PIEZO1: variants seen among roughly 807,000 people sequenced by gnomAD.
PIEZO1 encodes piezo-type mechanosensitive ion channel component 1.
PIEZO1 carries 296 observed loss-of-function variants against 297.2 expected under a neutral mutation model. The observed-to-expected ratio is 1.00, with a 90% CI of 0.91 to 1.10. The LOEUF (loss-of-function observed/expected upper bound fraction) is 1.10. Among genes scored for constraint, PIEZO1 ranks in the 50% least tolerant of loss-of-function variants. The pLI, the probability that PIEZO1 is intolerant of heterozygous loss-of-function variation, is 0.00. For synonymous variants in PIEZO1, 2,427 were observed against 1,507.5 expected, an observed-to-expected ratio of 1.61 and a Z score of -14.13; for missense variants, 5,018 against 3,455.5, an observed-to-expected ratio of 1.45 and a Z score of -11.34.
intron 1 of PIEZO1, among the ~76,000 whole-genome samples, chr16:88,769,814 A>G (rs1288160219): frequency 6.6e-6 from 1 of 152,192 alleles, no homozygotes; most frequent in Non-Finnish European, 1.5e-5. Flanking sequence ...GGCCAGGACG[A>G]GCCTCATGTC....
chr16:88,782,477 G>C (rs1353172099), intron 1 of PIEZO1, among the ~76,000 whole-genome samples: 2 of 152,202 alleles, frequency 1.3e-5, no homozygotes, highest in Non-Finnish European at 2.9e-5. Context: ...CATTAGGTGA[G>C]ACTGCTGAAG....
chr16:88,757,731 G>C (rs938576687), intron 1 of PIEZO1, among the ~76,000 whole-genome samples: 1 of 152,152 alleles, frequency 6.6e-6, no homozygotes, highest in Non-Finnish European at 1.5e-5. Flanking sequence ...AGCTGCCATG[G>C]CTGGAGGCAT....
intron 30 of PIEZO1, among the ~76,000 whole-genome samples, chr16:88,724,604 G>A (rs1904314764): frequency 6.6e-6 from 1 of 151,964 alleles, no homozygotes; most frequent in African/African-American, 2.4e-5. Context: ...TGAGGCAGGA[G>A]GATCACTTGA....
rs536740949 is a variant in PIEZO1 at position 88,736,816 on chromosome 16, G to A, written c.1196-77C>T. The A allele has an allele frequency of 5.9e-4, 548 of 932,178 alleles. 1 individual carries two copies. The highest frequency in any genetic ancestry group is 7.9e-4 in the Non-Finnish European group (500 of 633,950). 57.7% of individuals were successfully genotyped at this position (932,178 alleles called of 1,614,324 possible). A position where few individuals can be genotyped will look rare whatever the true frequency, so the allele number is the denominator to read the frequency against. ...CACCCTGACTATGCCCTAAAATCTG[G>A]GCCCTGGGCAAGCACACAGCAGGAG... On this transcript the variant is annotated intron_variant, in intron 10 of 50. Coordinates refer to ENST00000301015, the MANE Select transcript of PIEZO1 (RefSeq NM_001142864.4).
At position 88,723,056 on chromosome 16, in the gene PIEZO1, AAG is replaced by A. The variant is rs1286494637; in HGVS notation, c.4495+37_4495+38del. On this transcript the variant is annotated intron_variant, in intron 33 of 50. Coordinates refer to ENST00000301015, the MANE Select transcript of PIEZO1 (RefSeq NM_001142864.4). ...CGCTGGAGGGGCAGCCTGTGGGGCCAAGAGAGACCTCCCACTCCCCAGCCCCG... is the reference window on the plus strand; with the variant it reads ...CGCTGGAGGGGCAGCCTGTGGGGCCAAGAGACCTCCCACTCCCCAGCCCCG... 3.2e-6 allele frequency: 5 copies of A among 1,544,892 alleles called. No individual in the cohort carries two copies. In the African/African-American group the frequency reaches 5.5e-5, roughly 17 times the overall value.
chr16:88,741,235 G>T (rs2242165), intron 5 of PIEZO1: 2 of 462,100 alleles, frequency 4.3e-6, no homozygotes, highest in East Asian at 4.0e-5. Flanking sequence ...TAAGGGCACA[G>T]ATGCCATGTC....
At chr16:88,722,729 CTT>C (rs1904289468) in intron 34 of PIEZO1, 40 bp from the exon 35 acceptor site, 3 of 1,531,154 alleles carry the variant, frequency 2.0e-6, no homozygotes, top group Middle Eastern at 1.7e-4. Flanking sequence ...GCGTCCAGCT[CTT>C]GTCCCCACAC....
chr16:88,736,685 T>A lies in PIEZO1; in HGVS notation c.1250A>T (p.His417Leu). 1 of 1,532,802 alleles carries A rather than the reference T, an allele frequency of 6.5e-7. No individual in the cohort carries two copies. The highest frequency in any genetic ancestry group is 8.7e-7 in the Non-Finnish European group (1 of 1,145,684). 95.0% of individuals were successfully genotyped at this position (1,532,802 alleles called of 1,614,324 possible). The part of the protein sequence containing the change: ...REASPLHSLG[H>L]LIMDQSYVCA... ...CACATAGCTCTGGTCCATGATGAGG[T>A]GGCCCAGGCTGTGGAGCGGAGACGC... The change falls in exon 11 of 51, where the codon CAC becomes CTC. Residue 417 changes from histidine (H) to leucine (L), a missense_variant. Physicochemically the swap from His to Leu is moderately conservative, Grantham distance 99. Coordinates refer to ENST00000301015, the MANE Select transcript of PIEZO1 (RefSeq NM_001142864.4).
chr16:88,721,080 C>CCG, intron 39 of PIEZO1, 86 bp downstream of exon 39: 1 of 1,325,556 alleles, frequency 7.5e-7, no homozygotes, highest in South Asian at 1.5e-5. Flanking sequence ...CTGGGCTTGG[C>CCG]CGTCTCATCT....
At chr16:88,773,614 C>T (rs973688373) in intron 1 of PIEZO1, among the ~76,000 whole-genome samples, 3 of 152,148 alleles carry the variant, frequency 2.0e-5, no homozygotes, top group Non-Finnish European at 4.4e-5. Flanking sequence ...ACAGGCAGGT[C>T]GGGGGACTGG....
chr16:88,728,395 AC>A (rs2142792486), intron 22 of PIEZO1, among the ~76,000 whole-genome samples: 1 of 151,374 alleles, frequency 6.6e-6, no homozygotes, highest in East Asian at 1.9e-4. Flanking sequence ...AAACAAAGTG[AC>A]CCTCCATGCT....
At chr16:88,783,929 C>T (rs903767464) in intron 1 of PIEZO1, among the ~76,000 whole-genome samples, 3 of 152,248 alleles carry the variant, frequency 2.0e-5, no homozygotes, top group African/African-American at 7.2e-5. Context: ...AAAGGCCCCA[C>T]CTGCCGTGTC....
At chr16:88,724,056 G>C in intron 30 of PIEZO1, 85 bp from the exon 31 acceptor site, 1 of 788,840 alleles carries the variant, frequency 1.3e-6, no homozygotes, top group Non-Finnish European at 2.1e-6. Context: ...GCCAAGGCCC[G>C]AGAGCCACCC....
rs536394210 is a variant in PIEZO1 at position 88,778,557 on chromosome 16, C to T, written c.64+6344G>A. 1.6e-3 allele frequency among the ~76,000 whole-genome samples: 248 copies of T among 152,302 alleles called. 1 individual carries two copies. Among genetic ancestry groups the T allele is most frequent in the Middle Eastern group, 6.8e-3 (2 of 294 alleles). On this transcript the variant is annotated intron_variant, in intron 1 of 50. Transcript: ENST00000301015. Reference sequence around the variant, plus strand: ...ACAACGGCGGGGAATCGGGTGGCCACGCACGTCGGCCTAAGGGGCCCTGGC... The same window carrying T: ...ACAACGGCGGGGAATCGGGTGGCCATGCACGTCGGCCTAAGGGGCCCTGGC...
At position 88,742,068 on chromosome 16, in the gene PIEZO1, T is replaced by C; in HGVS notation, c.311A>G (p.His104Arg). Residue 104 changes from histidine to arginine, a missense_variant, in exon 4 of 51, where the codon CAC becomes CGC. Transcript: ENST00000301015. ...ATGGTCTTACCTTGTGACCCCTATG[T>C]GTCGCGAGAGGGTCTCCCAGCGGCT... ...SCSRWETLSR[H>R]IGVTRLDLKD... The C allele has an allele frequency of 1.3e-6, 2 of 1,536,070 alleles. No homozygotes were observed. Among genetic ancestry groups the C allele is most frequent in the Non-Finnish European group, 1.7e-6 (2 of 1,146,762 alleles).
At chr16:88,732,309 A>AG (rs750931162) in intron 21 of PIEZO1, 26 bp downstream of exon 21, 6 of 1,531,048 alleles carry the variant, frequency 3.9e-6, no homozygotes, top group Non-Finnish European at 5.3e-6. Flanking sequence ...GCCCTGCCCC[A>AG]GGGGGAGGCA....
At position 88,721,412 on chromosome 16, in the gene PIEZO1, G is replaced by A. The variant is rs1388874447; in HGVS notation, c.5422C>T (p.His1808Tyr). The change falls in exon 39 of 51, where the codon CAT becomes TAT. Residue 1808 changes from histidine (H) to tyrosine (Y), a missense_variant. Transcript: ENST00000301015. Reference protein sequence around the residue: ...SQLLCYGLWDHEEDSPSKEHD... With the variant: ...SQLLCYGLWDYEEDSPSKEHD... Reference sequence around the variant, plus strand: ...TCCTTGGATGGTGAGTCCTCCTCATGGTCCCAGAGGCCATAGCACTGAGGG... The same window carrying A: ...TCCTTGGATGGTGAGTCCTCCTCATAGTCCCAGAGGCCATAGCACTGAGGG... The A allele has an allele frequency of 7.7e-6, 12 of 1,549,542 alleles. No individual in the cohort carries two copies. The highest frequency in any genetic ancestry group is 9.6e-6 in the Non-Finnish European group (11 of 1,146,492).
intron 12 of PIEZO1, 82 bp downstream of exon 12, chr16:88,736,066 G>T: frequency 4.4e-6 from 6 of 1,369,276 alleles, no homozygotes; most frequent in Non-Finnish European, 5.9e-6. Context: ...CCACTCCCCC[G>T]GGCAAGTGGA....
chr16:88,770,433 C>T (rs1369143086), intron 1 of PIEZO1, among the ~76,000 whole-genome samples: 7 of 152,214 alleles, frequency 4.6e-5, no homozygotes, highest in Non-Finnish European at 8.8e-5. Context: ...GGAGCGGCTG[C>T]CTGGCCAGGC....
Sources: allele counts gnomAD v4.1 joint callset (sites outside exome capture counted in the v4.1 genomes callset), GRCh38; gene constraint gnomAD v4.1.1; transcripts MANE v1.5; gene names NCBI Gene and HGNC (gene_info 2026-07-23, HGNC 2026-07-21).